SMAD3: variants seen among roughly 807,000 people sequenced by gnomAD.
SMAD3 encodes the protein MAD homolog 3.
Under a neutral mutation model 51.8 loss-of-function variants are expected in SMAD3, and 12 were observed. The ratio of observed to expected loss-of-function variants is 0.23; its 90% CI spans 0.15 to 0.38. The LOEUF (loss-of-function observed/expected upper bound fraction) is 0.38, where lower values mean the gene tolerates loss of function less well. Among genes scored for constraint, SMAD3 ranks in the 10% least tolerant of loss-of-function variants. SMAD3 has a pLI of 1.00. For synonymous variants in SMAD3, 238 were observed against 227.7 expected (o/e 1.05, Z -0.41); for missense variants, 294 against 565.6 (o/e 0.52, Z 4.87).
At chr15:67,127,255 A>G (rs12442421) in intron 1 of SMAD3, among the ~76,000 whole-genome samples, 1 of 152,194 alleles carries the variant, frequency 6.6e-6, no homozygotes, top group Non-Finnish European at 1.5e-5. Flanking sequence ...ACTGTCTACC[A>G]GGTGTTTTGT....
intron 1 of SMAD3, among the ~76,000 whole-genome samples, chr15:67,125,254 G>T (rs777257772): frequency 1.3e-5 from 2 of 152,246 alleles, no homozygotes; most frequent in Non-Finnish European, 2.9e-5. Flanking sequence ...TGGCAGCTCT[G>T]GTTGCTGATC....
chr15:67,179,763 C>G (rs113665050), intron 5 of SMAD3, among the ~76,000 whole-genome samples: 5 of 152,082 alleles, frequency 3.3e-5, no homozygotes, highest in Non-Finnish European at 7.4e-5. Context: ...GTTCCCCCTC[C>G]TAGACGTTGC....
Position 67,192,789 on chromosome 15 carries a change from G to C in SMAD3, c.*2253G>C, listed in dbSNP as rs1380755438. 1 of 233,232 alleles carries C rather than the reference G, an allele frequency of 4.3e-6. No individual in the cohort carries two copies. Among genetic ancestry groups the C allele is most frequent in the Non-Finnish European group, 8.5e-6 (1 of 118,010 alleles). The allele number at this position is 233,232 out of a possible 1,614,324, so 14.4% of individuals were successfully genotyped here. On this transcript the variant is annotated 3_prime_UTR_variant, in exon 9 of 9. Coordinates refer to ENST00000327367, the MANE Select transcript of SMAD3 (RefSeq NM_005902.4). Reference sequence around the variant, plus strand: ...GAAAAAAAAAGCCTATACTTTGGCAGGTTATGAACTTTGAATGTGATGAAA... The same window carrying C: ...GAAAAAAAAAGCCTATACTTTGGCACGTTATGAACTTTGAATGTGATGAAA...
intron 1 of SMAD3, among the ~76,000 whole-genome samples, chr15:67,121,433 C>T (rs1297798020): frequency 2.6e-5 from 4 of 152,092 alleles, no homozygotes; most frequent in South Asian, 2.1e-4. Flanking sequence ...AGTTGCACTC[C>T]GTTCTGGGTG....
intron 1 of SMAD3, among the ~76,000 whole-genome samples, chr15:67,145,335 C>T (rs971300362): frequency 2.0e-5 from 3 of 152,104 alleles, no homozygotes; most frequent in Non-Finnish European, 4.4e-5. Flanking sequence ...TCACAATCCA[C>T]GAAGGGGGGA....
At chr15:67,129,732 A>T (rs902425776) in intron 1 of SMAD3, among the ~76,000 whole-genome samples, 1 of 152,240 alleles carries the variant, frequency 6.6e-6, no homozygotes, top group African/African-American at 2.4e-5. Flanking sequence ...ATCTTGTTTA[A>T]TACAGTGTAT....
chr15:67,105,915 G>A (rs563856419), intron 1 of SMAD3, among the ~76,000 whole-genome samples: 5 of 152,230 alleles, frequency 3.3e-5, no homozygotes, highest in Admixed American at 6.5e-5. Context: ...CCTCCCTGCC[G>A]TCTGCACAGC....
At chr15:67,100,061 A>G (rs543068549) in intron 1 of SMAD3, among the ~76,000 whole-genome samples, 1 of 152,058 alleles carries the variant, frequency 6.6e-6, no homozygotes, top group African/African-American at 2.4e-5. Context: ...CATGCCTGTA[A>G]TCCCAGCTAC....
rs75868639 is a variant in SMAD3 at position 67,113,212 on chromosome 15, G to A, written c.206+46852G>A. On this transcript the variant is annotated intron_variant, in intron 1 of 8. Coordinates refer to ENST00000327367, the MANE Select transcript of SMAD3 (RefSeq NM_005902.4). The stretch of plus-strand genomic sequence containing the variant: ...CATTCTCCTGCCTCAGCAGCCTCCC[G>A]AGTAGCTGGGACTACAGGCGCCTGC... Among the ~76,000 whole-genome samples, 13 of 122,156 alleles carry A rather than the reference G, an allele frequency of 1.1e-4. 2 individuals carry two copies. Among genetic ancestry groups the A allele is most frequent in the African/African-American group, 3.0e-4 (9 of 30,426 alleles). The allele number at this position is 122,156 out of a possible 152,430, so 80.1% of individuals were successfully genotyped here. A position where few individuals can be genotyped will look rare whatever the true frequency, so the allele number is the denominator to read the frequency against.
chr15:67,090,740 TC>T lies in SMAD3; in HGVS notation c.206+24384del, dbSNP rs1328725101. 1.7e-4 allele frequency among the ~76,000 whole-genome samples: 26 copies of T among 152,212 alleles called. No homozygotes were observed. The South Asian group carries it at 2.3e-3, about 13-fold the overall frequency. The stretch of plus-strand genomic sequence containing the variant: ...ATGCTTCTCCTTACTGCAGTTCCCC[TC>T]CCCAGCACTCCCATCTCCCTGTTTT... On this transcript the variant is annotated intron_variant, in intron 1 of 8. Transcript: ENST00000327367.
intron 6 of SMAD3, 124 bp downstream of exon 6, chr15:67,181,577 C>CAGGAGGCAGAGCA: frequency 1.2e-6 from 1 of 835,550 alleles, no homozygotes; most frequent in Non-Finnish European, 1.9e-6. Flanking sequence ...CTGTGCTCTG[C>CAGGAGGCAGAGCA]CTCCTGCTGG....
intron 5 of SMAD3, among the ~76,000 whole-genome samples, chr15:67,180,692 A>C (rs2140313128): frequency 6.6e-6 from 1 of 152,042 alleles, no homozygotes; most frequent in South Asian, 2.1e-4. Context: ...GCTGCTCCAC[A>C]GGCTGGGAGT....
In SMAD3 at chr15:67,091,831, C is replaced by T. The variant is rs572486052; in HGVS notation, c.206+25471C>T. On this transcript the variant is annotated intron_variant, in intron 1 of 8. Coordinates refer to ENST00000327367, the MANE Select transcript of SMAD3 (RefSeq NM_005902.4). ...GTCAAACGGGAAGGAGGAACTACAT[C>T]AGGTATTTAGCACAAAGGGAATTTA... Among the ~76,000 whole-genome samples the T allele has an allele frequency of 3.3e-5, 5 of 152,254 alleles. No individual in the cohort carries two copies. In the South Asian group the frequency reaches 8.3e-4, roughly 25 times the overall value.
intron 1 of SMAD3, among the ~76,000 whole-genome samples, chr15:67,140,836 A>T (rs965862): frequency 0.97 from 147,932 of 152,172 alleles, 72,033 homozygotes; most frequent in East Asian, 1. Flanking sequence ...AAATGGGGCC[A>T]GGTGTAAGGA....
intron 6 of SMAD3, among the ~76,000 whole-genome samples, chr15:67,184,101 CTTTT>C (rs557069329): frequency 7.3e-6 from 1 of 136,772 alleles, no homozygotes. Flanking sequence ...TCATCATTCC[CTTTT>C]TTTTTTTTTT....
chr15:67,105,666 A>G (rs1960860851), intron 1 of SMAD3, among the ~76,000 whole-genome samples: 1 of 152,214 alleles, frequency 6.6e-6, no homozygotes, highest in Admixed American at 6.5e-5. Flanking sequence ...GAAAAGGGAA[A>G]GCCTTTCTCT....
rs539851185 is a variant in SMAD3 at position 67,077,639 on chromosome 15, A to G, written c.206+11279A>G. 2.1e-4 allele frequency among the ~76,000 whole-genome samples: 32 copies of G among 152,356 alleles called. No homozygotes were observed. The South Asian group carries it at 6.4e-3, about 31-fold the overall frequency. ...TCAAACAAAATATTTGGGAGCCTAGAGGAAGAACAGGTCTATTTCTGGAGG... is the reference window on the plus strand; with the variant it reads ...TCAAACAAAATATTTGGGAGCCTAGGGGAAGAACAGGTCTATTTCTGGAGG... On this transcript the variant is annotated intron_variant, in intron 1 of 8. Transcript: ENST00000327367.
intron 5 of SMAD3, among the ~76,000 whole-genome samples, chr15:67,174,833 TCATTTCCTCCC>T: frequency 6.6e-6 from 1 of 152,348 alleles, no homozygotes; most frequent in South Asian, 2.1e-4. Flanking sequence ...GTTTCTCCTT[TCATTTCCTCCC>T]CACTCCAGGT....
chr15:67,155,117 C>T (rs970469231), intron 1 of SMAD3, among the ~76,000 whole-genome samples: 1 of 152,222 alleles, frequency 6.6e-6, no homozygotes, highest in African/African-American at 2.4e-5. Context: ...CAGATGCCCT[C>T]AAGGTTCCTC....
Sources: allele counts gnomAD v4.1 joint callset (sites outside exome capture counted in the v4.1 genomes callset), GRCh38; gene constraint gnomAD v4.1.1; transcripts MANE v1.5; gene names NCBI Gene and HGNC (gene_info 2026-07-23, HGNC 2026-07-21).